PPARGC1A: variants seen among roughly 807,000 people sequenced by gnomAD.
PPARGC1A encodes PPARG coactivator 1 alpha, also known as peroxisome proliferator-activated receptor gamma coactivator 1-alpha.
Under a neutral mutation model 88.7 loss-of-function variants are expected in PPARGC1A, and 25 were observed. The observed-to-expected ratio is 0.28, with a 90% CI of 0.21 to 0.39. The LOEUF (loss-of-function observed/expected upper bound fraction) is 0.39. PPARGC1A is among the 10% of genes least tolerant of loss of function. The pLI is 1.00. For missense variants in PPARGC1A, 880 were observed against 968.7 expected (o/e 0.91, Z 1.22); for synonymous variants, 363 against 355.6 (o/e 1.02, Z -0.24).
At chr4:24,178,301 A>G in the PPARGC1A span, among the ~76,000 whole-genome samples, 2 of 152,212 alleles carry the variant, frequency 1.3e-5, no homozygotes, top group Non-Finnish European at 2.9e-5. Flanking sequence ...GGCTATCATT[A>G]TATCTAGGTG....
At chr4:23,956,392 C>T in the PPARGC1A span, among the ~76,000 whole-genome samples, 9 of 152,128 alleles carry the variant, frequency 5.9e-5, no homozygotes, top group Admixed American at 5.9e-4. Flanking sequence ...CAAAGCTCTG[C>T]ACTCTAATGA....
chr4:23,812,177 A>G, intron 10 of PPARGC1A, among the ~76,000 whole-genome samples: 1 of 151,902 alleles, frequency 6.6e-6, no homozygotes, highest in East Asian at 1.9e-4. Flanking sequence ...TTCTGGCCTT[A>G]AGTGATCCAC....
chr4:23,958,529 T>A, the PPARGC1A span, among the ~76,000 whole-genome samples: 1 of 152,164 alleles, frequency 6.6e-6, no homozygotes, highest in Admixed American at 6.6e-5. Context: ...CTGTATTAAG[T>A]GTAATCTACT....
chr4:24,151,848 G>A, the PPARGC1A span, among the ~76,000 whole-genome samples: 1 of 152,092 alleles, frequency 6.6e-6, no homozygotes, highest in Non-Finnish European at 1.5e-5. Context: ...ACAGCACCCA[G>A]CTAAGTACCT....
chr4:24,303,418 A>G, the PPARGC1A span, among the ~76,000 whole-genome samples: 1 of 152,188 alleles, frequency 6.6e-6, no homozygotes, highest in African/African-American at 2.4e-5. Flanking sequence ...TGGCTGTATA[A>G]AAACAAAAAA....
At chr4:24,467,827 T>C in the PPARGC1A span, among the ~76,000 whole-genome samples, 3 of 152,206 alleles carry the variant, frequency 2.0e-5, no homozygotes, top group African/African-American at 7.2e-5. Context: ...GAGAAGATAG[T>C]TCCCTTATGA....
At chr4:24,286,811 C>T in the PPARGC1A span, among the ~76,000 whole-genome samples, 1 of 152,142 alleles carries the variant, frequency 6.6e-6, no homozygotes, top group Non-Finnish European at 1.5e-5. Context: ...AATTCGGGCT[C>T]AGGGTCTCCC....
At chr4:24,325,114 G>C in the PPARGC1A span, among the ~76,000 whole-genome samples, 6 of 152,242 alleles carry the variant, frequency 3.9e-5, no homozygotes, top group Middle Eastern at 6.8e-3. Flanking sequence ...ATCAGATAGC[G>C]TTTAGGCTCT....
chr4:24,146,812 CTTAT>C, the PPARGC1A span, among the ~76,000 whole-genome samples: 1 of 152,208 alleles, frequency 6.6e-6, no homozygotes, highest in African/African-American at 2.4e-5. Flanking sequence ...CCCTGACCAC[CTTAT>C]TTGAGGAAGC....
At chr4:23,904,290 C>G (rs751442217), upstream of PPARGC1A, among the ~76,000 whole-genome samples, 3 of 152,182 alleles carry the variant, frequency 2.0e-5, no homozygotes, top group Non-Finnish European at 4.4e-5. Flanking sequence ...TCTCTGACAT[C>G]AGCAATTGAG....
chr4:23,939,227 A>AC, the PPARGC1A span, among the ~76,000 whole-genome samples: 55 of 151,720 alleles, frequency 3.6e-4, no homozygotes, highest in East Asian at 7.8e-4. Flanking sequence ...TGCATATCAA[A>AC]CCCCCCCCCA....
chr4:23,878,914 T>C (rs1577631573), intron 2 of PPARGC1A, among the ~76,000 whole-genome samples: 2 of 152,350 alleles, frequency 1.3e-5, no homozygotes, highest in South Asian at 4.1e-4. Context: ...CATTCTTCAA[T>C]GTTCTTATGT....
chr4:24,200,139 A>G, the PPARGC1A span, among the ~76,000 whole-genome samples: 2 of 152,172 alleles, frequency 1.3e-5, no homozygotes, highest in African/African-American at 2.4e-5. Flanking sequence ...GAGAGAAGAG[A>G]GCAAGTCATA....
intron 10 of PPARGC1A, 152 bp downstream of exon 10, chr4:23,812,595 A>T: frequency 8.5e-7 from 1 of 1,178,330 alleles, no homozygotes; most frequent in Non-Finnish European, 1.2e-6. Flanking sequence ...TGGGGACCGA[A>T]GACTTATGGA....
the PPARGC1A span, among the ~76,000 whole-genome samples, chr4:24,414,327 G>A: frequency 1.3e-5 from 2 of 152,082 alleles, no homozygotes; most frequent in East Asian, 1.9e-4. Flanking sequence ...AGGAATAGTG[G>A]GTGCCTAACC....
intron 2 of PPARGC1A, among the ~76,000 whole-genome samples, chr4:23,840,144 T>C (rs1726803258): frequency 6.6e-6 from 1 of 152,054 alleles, no homozygotes; most frequent in South Asian, 2.1e-4. Flanking sequence ...TCTCTAAGAC[T>C]AAAAGCTAAA....
At chr4:24,369,907 C>G in the PPARGC1A span, among the ~76,000 whole-genome samples, 44 of 152,322 alleles carry the variant, frequency 2.9e-4, no homozygotes, top group African/African-American at 9.1e-4. Context: ...ATGACTCCAC[C>G]AGCAGAAAGT....
At chr4:24,050,847 G>A in the PPARGC1A span, among the ~76,000 whole-genome samples, 4 of 152,186 alleles carry the variant, frequency 2.6e-5, no homozygotes, top group East Asian at 1.9e-4. Flanking sequence ...GCCTTGCTAC[G>A]AAATCCAATC....
chr4:23,923,967 T>C, the PPARGC1A span, among the ~76,000 whole-genome samples: 1 of 152,098 alleles, frequency 6.6e-6, no homozygotes, highest in Non-Finnish European at 1.5e-5. Flanking sequence ...GGCTGCATGC[T>C]CACTCTTTCC....
Sources: allele counts gnomAD v4.1 joint callset (sites outside exome capture counted in the v4.1 genomes callset), GRCh38; gene constraint gnomAD v4.1.1; transcripts MANE v1.5; gene names NCBI Gene and HGNC (gene_info 2026-07-23, HGNC 2026-07-21).